DOCK4: variants seen among roughly 807,000 people sequenced by gnomAD.
DOCK4 encodes the protein dedicator of cytokinesis protein 4.
In DOCK4, 97 loss-of-function variants were observed where a neutral mutation model predicts 268.1. The ratio of observed to expected loss-of-function variants is 0.36; its 90% CI spans 0.31 to 0.43. The LOEUF is 0.43. Among genes scored for constraint, DOCK4 ranks in the 20% least tolerant of loss-of-function variants. The pLI is 1.00. For missense variants in DOCK4, 2,145 were observed against 2,455.7 expected (o/e 0.87, Z 2.67); for synonymous variants, 954 against 887.2 (o/e 1.08, Z -1.34).
intron 1 of DOCK4, among the ~76,000 whole-genome samples, chr7:112,163,364 A>G (rs1817312560): frequency 6.6e-6 from 1 of 151,838 alleles, no homozygotes; most frequent in Non-Finnish European, 1.5e-5. Context: ...TGTTGCCTGC[A>G]TCCTTTAATG....
intron 13 of DOCK4, among the ~76,000 whole-genome samples, chr7:111,907,286 T>C (rs2134457706): frequency 6.6e-6 from 1 of 152,340 alleles, no homozygotes; most frequent in South Asian, 2.1e-4. Flanking sequence ...GGTAGCTTTT[T>C]ATGTTTTGCT....
chr7:112,010,655 C>A (rs944982431), intron 1 of DOCK4, among the ~76,000 whole-genome samples: 1 of 152,204 alleles, frequency 6.6e-6, no homozygotes, highest in African/African-American at 2.4e-5. Context: ...GCCTCACACA[C>A]CTTGCAGGCT....
chr7:111,984,484 G>T (rs555284202), intron 6 of DOCK4, 94 bp from the exon 7 acceptor site: 12 of 1,010,978 alleles, frequency 1.2e-5, no homozygotes, highest in African/African-American at 1.6e-5. Context: ...TGGAAATTAG[G>T]TATATCACCC....
chr7:112,114,726 T>G (rs1204197312), intron 1 of DOCK4, among the ~76,000 whole-genome samples: 1 of 139,092 alleles, frequency 7.2e-6, no homozygotes, highest in Non-Finnish European at 1.6e-5. Context: ...CATTCTTAAG[T>G]GAAACTCCTA....
chr7:112,182,534 T>C (rs1284382501), intron 1 of DOCK4, among the ~76,000 whole-genome samples: 1 of 152,198 alleles, frequency 6.6e-6, no homozygotes, highest in Non-Finnish European at 1.5e-5. Flanking sequence ...CAGTTTCATA[T>C]GCTACATTTT....
At chr7:112,177,199 T>A (rs1438239890) in intron 1 of DOCK4, among the ~76,000 whole-genome samples, 2 of 152,060 alleles carry the variant, frequency 1.3e-5, no homozygotes, top group African/African-American at 4.8e-5. Context: ...TTGTTAAGAG[T>A]TAAATTGCAG....
chr7:112,111,784 C>T (rs892533557), intron 1 of DOCK4, among the ~76,000 whole-genome samples: 10 of 152,174 alleles, frequency 6.6e-5, no homozygotes, highest in African/African-American at 1.9e-4. Flanking sequence ...TTGTCAGATA[C>T]TTTAAATAAG....
At chr7:112,177,530 T>C (rs1818637924) in intron 1 of DOCK4, among the ~76,000 whole-genome samples, 2 of 152,182 alleles carry the variant, frequency 1.3e-5, no homozygotes, top group Admixed American at 1.3e-4. Flanking sequence ...TGAAAATACA[T>C]GGTTTCCTCA....
In DOCK4 at chr7:111,977,302, CA is replaced by C. The variant is rs993032636; in HGVS notation, c.550-20del. The C allele has an allele frequency of 1.9e-6, 3 of 1,580,178 alleles. No individual in the cohort carries two copies. Among genetic ancestry groups the C allele is most frequent in the African/African-American group, 2.7e-5 (2 of 74,288 alleles). Reference sequence around the variant, plus strand: ...GTTCCATCTGAATGACACCCCCCAACAAAAACATGATCAGCATGGACTGAAG... The same window carrying C: ...GTTCCATCTGAATGACACCCCCCAACAAAACATGATCAGCATGGACTGAAG... On this transcript the variant is annotated intron_variant, in intron 7 of 52. Transcript: ENST00000428084.
intron 47 of DOCK4, 130 bp from the exon 48 acceptor site, chr7:111,739,607 C>G: frequency 1.4e-6 from 1 of 724,342 alleles, no homozygotes; most frequent in Non-Finnish European, 2.3e-6. Context: ...TATAGAAAAT[C>G]TTAATAACTT....
intron 1 of DOCK4, among the ~76,000 whole-genome samples, chr7:112,065,433 C>T (rs1414364374): frequency 6.6e-6 from 1 of 151,840 alleles, no homozygotes; most frequent in Non-Finnish European, 1.5e-5. Context: ...CCACTTACCA[C>T]AATTTTAATT....
intron 12 of DOCK4, among the ~76,000 whole-genome samples, chr7:111,928,339 T>C (rs1793901809): frequency 6.6e-6 from 1 of 152,228 alleles, no homozygotes; most frequent in Non-Finnish European, 1.5e-5. Flanking sequence ...CTAGTGATTA[T>C]ATCTAAATTA....
intron 1 of DOCK4, among the ~76,000 whole-genome samples, chr7:112,169,169 C>T (rs771812646): frequency 1.3e-5 from 2 of 152,162 alleles, no homozygotes; most frequent in Non-Finnish European, 1.5e-5. Context: ...GTTCCAGCCA[C>T]GTAAGACATG....
intron 25 of DOCK4, among the ~76,000 whole-genome samples, chr7:111,837,925 A>G (rs1238139801): frequency 6.6e-6 from 1 of 151,898 alleles, no homozygotes; most frequent in Non-Finnish European, 1.5e-5. Context: ...GAGCTCTACT[A>G]AAAATACAAA....
intron 16 of DOCK4, among the ~76,000 whole-genome samples, chr7:111,878,327 T>C (rs1291513647): frequency 6.6e-6 from 1 of 152,230 alleles, no homozygotes; most frequent in Non-Finnish European, 1.5e-5. Context: ...AAAAACGTAG[T>C]GATCAGAAAA....
intron 14 of DOCK4, among the ~76,000 whole-genome samples, chr7:111,900,985 TAGTA>T (rs1791095596): frequency 6.6e-6 from 1 of 152,146 alleles, no homozygotes; most frequent in African/African-American, 2.4e-5. Context: ...TCACCCCAAT[TAGTA>T]AGTAGTACCC....
Position 111,847,145 on chromosome 7 carries a change from T to G in DOCK4, c.2474-19A>C. The G allele has an allele frequency of 6.2e-7, 1 of 1,613,284 alleles. No individual in the cohort carries two copies. Among genetic ancestry groups the G allele is most frequent in the East Asian group, 2.2e-5 (1 of 44,866 alleles). ...CGGGAATCTGAAGAGAGAAGAGTCA[T>G]TAGTGTCACATCTGTTGGAGTCCCA... On this transcript the variant is annotated intron_variant, in intron 23 of 52. Transcript: ENST00000428084.
At chr7:112,031,087 G>A (rs1305369546) in intron 1 of DOCK4, among the ~76,000 whole-genome samples, 1 of 152,184 alleles carries the variant, frequency 6.6e-6, no homozygotes, top group African/African-American at 2.4e-5. Flanking sequence ...ACAAATAGAG[G>A]AGCATCATAC....
chr7:111,765,183 G>T lies in DOCK4; in HGVS notation c.3955C>A (p.Gln1319Lys). The change falls in exon 39 of 53, where the codon CAA becomes AAA. Residue 1319 changes from glutamine to lysine, a missense_variant. By Grantham distance (53) the Gln-to-Lys change is moderately conservative. This residue lies in a region of DOCK4 where 1,598 missense variants were observed against 1,986.7 expected (regional missense o/e 0.80). Transcript: ENST00000428084. ...ASLYDKIMDQ[Q>K]RLEPEFFRVG... ...CTGAAGAACTCTGGTTCAAGACGTT[G>T]CTGGTCCATAATTTTGTCATACAAA... is the stretch of plus-strand genomic sequence containing the variant. The T allele has an allele frequency of 6.4e-7, 1 of 1,555,980 alleles. No individual in the cohort carries two copies. Among genetic ancestry groups the T allele is most frequent in the Non-Finnish European group, 8.7e-7 (1 of 1,153,012 alleles).
Sources: allele counts gnomAD v4.1 joint callset (sites outside exome capture counted in the v4.1 genomes callset), GRCh38; gene constraint gnomAD v4.1.1; regional missense constraint gnomAD v4.1.1; transcripts MANE v1.5; gene names NCBI Gene and HGNC (gene_info 2026-07-23, HGNC 2026-07-21).